The following SNX29 variants were observed in gnomAD, a reference collection of about 807,000 sequenced individuals.
The protein encoded by SNX29 is sorting nexin 29.
In SNX29, 78 loss-of-function variants were observed where a neutral mutation model predicts 102.1. That is an observed-to-expected ratio of 0.76 (90% confidence interval 0.64 to 0.92). The LOEUF is 0.92. Among genes scored for constraint, SNX29 ranks in the 40% least tolerant of loss-of-function variants. The pLI is 0.00. For missense variants in SNX29, 1,280 were observed against 1,061.7 expected (o/e 1.21, Z -2.86); for synonymous variants, 580 against 414.5 (o/e 1.40, Z -4.85).
At chr16:12,049,967 C>G (rs1359637771) in intron 7 of SNX29, among the ~76,000 whole-genome samples, 1 of 152,164 alleles carries the variant, frequency 6.6e-6, no homozygotes, top group Non-Finnish European at 1.5e-5. Flanking sequence ...ATCTCTGAAA[C>G]AAGGCAGTAA....
intron 18 of SNX29, among the ~76,000 whole-genome samples, chr16:12,418,063 C>T (rs542787561): frequency 1.3e-5 from 2 of 152,292 alleles, no homozygotes; most frequent in Non-Finnish European, 2.9e-5. Context: ...ATTTGTCTTA[C>T]ATTGGAGGAT....
At chr16:12,554,202 G>C (rs72773378) in intron 20 of SNX29, among the ~76,000 whole-genome samples, 1 of 152,168 alleles carries the variant, frequency 6.6e-6, no homozygotes, top group Non-Finnish European at 1.5e-5. Flanking sequence ...CCATTTGAAC[G>C]ATGAGCATAT....
At chr16:12,120,458 C>T (rs867844796) in intron 11 of SNX29, among the ~76,000 whole-genome samples, 4 of 152,230 alleles carry the variant, frequency 2.6e-5, no homozygotes, top group Admixed American at 1.3e-4. Context: ...GTCTAGTCAT[C>T]GCAGTCAGCA....
chr16:12,018,262 G>C (rs1219622071), intron 3 of SNX29, among the ~76,000 whole-genome samples: 1 of 151,894 alleles, frequency 6.6e-6, no homozygotes, highest in Admixed American at 6.6e-5. Flanking sequence ...TTCATATAGG[G>C]CTTGCCTATT....
At chr16:12,135,585 C>G (rs757235115) in intron 13 of SNX29, 32 of 1,339,218 alleles carry the variant, frequency 2.4e-5, no homozygotes, top group South Asian at 8.6e-5. Context: ...ATTCTAACCC[C>G]ACGTGAGAAC....
chr16:12,436,158 C>T (rs1045778514), intron 18 of SNX29, among the ~76,000 whole-genome samples: 1 of 152,192 alleles, frequency 6.6e-6, no homozygotes, highest in Non-Finnish European at 1.5e-5. Context: ...AGCTCTTTTC[C>T]TGGCGATGCC....
At chr16:12,281,938 G>A (rs2079443922) in intron 15 of SNX29, among the ~76,000 whole-genome samples, 1 of 151,888 alleles carries the variant, frequency 6.6e-6, no homozygotes, top group Non-Finnish European at 1.5e-5. Flanking sequence ...TCAAAAATTA[G>A]CCGGTCATGG....
At chr16:12,347,496 A>C (rs866007747) in intron 15 of SNX29, among the ~76,000 whole-genome samples, 1 of 150,742 alleles carries the variant, frequency 6.6e-6, no homozygotes, top group East Asian at 2.0e-4. Context: ...CAGACTGACC[A>C]CCTCCCTCCC....
chr16:12,506,225 T>C (rs1462690964), intron 19 of SNX29, among the ~76,000 whole-genome samples: 1 of 152,174 alleles, frequency 6.6e-6, no homozygotes, highest in African/African-American at 2.4e-5. Context: ...CCTCCCAAAG[T>C]GCTGGGATTA....
intron 18 of SNX29, among the ~76,000 whole-genome samples, chr16:12,457,641 T>C (rs1043687952): frequency 2.0e-5 from 3 of 152,190 alleles, no homozygotes; most frequent in African/African-American, 7.2e-5. Context: ...TCACACCTCA[T>C]TTACCCATCA....
At chr16:12,126,945 TAG>T (rs2054237503) in intron 12 of SNX29, among the ~76,000 whole-genome samples, 1 of 152,198 alleles carries the variant, frequency 6.6e-6, no homozygotes, top group Admixed American at 6.5e-5. Flanking sequence ...AAGAATTTGG[TAG>T]AGTGATCATT....
Position 12,544,328 on chromosome 16 carries a change from G to C in SNX29, c.2318+19487G>C, listed in dbSNP as rs187973344. On this transcript the variant is annotated intron_variant, in intron 20 of 20. Transcript: ENST00000566228. ...GGGAAGGTGGACCCCAAAGTCATGA[G>C]GCAGGAAAAGTCAGTACTGTTGGAA... 2.2e-3 allele frequency among the ~76,000 whole-genome samples: 341 copies of C among 152,178 alleles called. 11 individuals carry two copies. The highest frequency in any genetic ancestry group is 0.019 in the Admixed American group (293 of 15,288).
At chr16:12,438,304 A>T (rs1466582008) in intron 18 of SNX29, among the ~76,000 whole-genome samples, 1 of 152,076 alleles carries the variant, frequency 6.6e-6, no homozygotes, top group Non-Finnish European at 1.5e-5. Flanking sequence ...CTCCTTGGGA[A>T]ACTTTGACCT....
intron 14 of SNX29, among the ~76,000 whole-genome samples, chr16:12,220,091 G>A (rs1409011773): frequency 2.0e-5 from 3 of 152,240 alleles, no homozygotes; most frequent in African/African-American, 7.2e-5. Flanking sequence ...GCGACCTGCA[G>A]CCTTATTTTA....
intron 14 of SNX29, among the ~76,000 whole-genome samples, chr16:12,277,566 A>C (rs1446741790): frequency 1.3e-5 from 2 of 152,214 alleles, no homozygotes; most frequent in Non-Finnish European, 2.9e-5. Flanking sequence ...TTTTAAAAAT[A>C]CAGCTTATCG....
At chr16:12,238,615 C>T (rs966810757) in intron 14 of SNX29, among the ~76,000 whole-genome samples, 1 of 152,230 alleles carries the variant, frequency 6.6e-6, no homozygotes, top group Non-Finnish European at 1.5e-5. Context: ...TGAGCCACCG[C>T]GTCCGGCCTT....
intron 20 of SNX29, among the ~76,000 whole-genome samples, chr16:12,553,314 G>A (rs888183119): frequency 1.3e-5 from 2 of 152,220 alleles, no homozygotes; most frequent in Non-Finnish European, 2.9e-5. Flanking sequence ...CTGGCCCTGG[G>A]AAACGCCCTA....
chr16:12,258,208 G>C, intron 14 of SNX29, among the ~76,000 whole-genome samples: 1 of 152,150 alleles, frequency 6.6e-6, no homozygotes. Context: ...AGTTTCCCCT[G>C]CAGCCTCCAG....
At chr16:12,045,070 A>T (rs999479782) in intron 5 of SNX29, among the ~76,000 whole-genome samples, 6 of 152,196 alleles carry the variant, frequency 3.9e-5, no homozygotes, top group Admixed American at 3.3e-4. Flanking sequence ...GGGAAAACAC[A>T]TTCATTTAGA....
Sources: allele counts gnomAD v4.1 joint callset (sites outside exome capture counted in the v4.1 genomes callset), GRCh38; gene constraint gnomAD v4.1.1; transcripts MANE v1.5; gene names NCBI Gene and HGNC (gene_info 2026-07-23, HGNC 2026-07-21).